BOD1L1: variants seen among roughly 807,000 people sequenced by gnomAD.
BOD1L1 encodes biorientation of chromosomes in cell division 1 like 1, also known as biorientation of chromosomes in cell division protein 1-like 1.
In BOD1L1, 86 loss-of-function variants were observed where a neutral mutation model predicts 240.7. The observed-to-expected ratio is 0.36, with a 90% CI of 0.30 to 0.43. The LOEUF (loss-of-function observed/expected upper bound fraction) is 0.43. Among genes scored for constraint, BOD1L1 ranks in the 20% least tolerant of loss-of-function variants. The pLI is 1.00. For synonymous variants in BOD1L1, 1,268 were observed against 1,272.3 expected, an observed-to-expected ratio of 1.00 and a Z score of 0.07; for missense variants, 3,554 against 3,643.5, an observed-to-expected ratio of 0.98 and a Z score of 0.63.
intron 21 of BOD1L1, among the ~76,000 whole-genome samples, chr4:13,580,244 A>C (rs1713118257): frequency 6.6e-6 from 1 of 152,226 alleles, no homozygotes; most frequent in African/African-American, 2.4e-5. Flanking sequence ...AATGTTTCCC[A>C]AGGCAAACCA....
intron 2 of BOD1L1, 26 bp downstream of exon 2, chr4:13,619,917 C>T (rs777776393): frequency 6.2e-6 from 10 of 1,609,950 alleles, no homozygotes; most frequent in African/African-American, 1.3e-5. Flanking sequence ...TTAAAACCTG[C>T]CCAGAACTCT....
intron 17 of BOD1L1, among the ~76,000 whole-genome samples, chr4:13,584,413 T>C (rs1713489247): frequency 6.7e-6 from 1 of 149,878 alleles, no homozygotes; most frequent in African/African-American, 2.5e-5. Flanking sequence ...CATGTGTGCG[T>C]GTGTGGCGGG....
In BOD1L1 at chr4:13,602,860, C is replaced by A. The variant is rs551371879; in HGVS notation, c.4040G>T (p.Gly1347Val). The change falls in exon 10 of 26, where the codon GGT (glycine) becomes GTT (valine). Residue 1347 changes from glycine to valine, a missense_variant. By Grantham distance (109) the Gly-to-Val change is moderately radical (BLOSUM62 -3). Around this residue, in one of 2 missense-constraint regions of BOD1L1, gnomAD observed 3,393 missense variants for 3,427.1 expected, o/e 0.99. Coordinates refer to ENST00000040738, the MANE Select transcript of BOD1L1 (RefSeq NM_148894.3). ...TGGTGTATCTACTGTGAAACCTTCA[C>A]CACCTTCTTTGCTGTCACTTGTCTT... ...VLKTSDSKEG[G>V]EGFTVDTPAK... is the part of the protein sequence containing the mutation. 27 of 1,614,040 alleles carry A rather than the reference C, an allele frequency of 1.7e-5. No individual in the cohort carries two copies. The South Asian group carries it at 2.9e-4, about 17-fold the overall frequency.
intron 25 of BOD1L1, among the ~76,000 whole-genome samples, chr4:13,573,772 C>T (rs1235074384): frequency 6.6e-6 from 1 of 152,174 alleles, no homozygotes; most frequent in African/African-American, 2.4e-5. Flanking sequence ...GAGCCACCAG[C>T]CTTGGACTCC....
intron 1 of BOD1L1, among the ~76,000 whole-genome samples, chr4:13,626,692 C>G (rs1717419764): frequency 6.6e-6 from 1 of 152,112 alleles, no homozygotes; most frequent in South Asian, 2.1e-4. Context: ...CTTTCCTGTC[C>G]TTTCTCCACT....
chr4:13,607,045 T>C, intron 9 of BOD1L1, 72 bp downstream of exon 9: 1 of 1,028,568 alleles, frequency 9.7e-7, no homozygotes, highest in East Asian at 3.3e-5. Flanking sequence ...ACATTCTAAG[T>C]TTTACTCCAA....
At chr4:13,580,519 A>G (rs1713140965) in intron 21 of BOD1L1, among the ~76,000 whole-genome samples, 1 of 152,186 alleles carries the variant, frequency 6.6e-6, no homozygotes, top group Admixed American at 6.5e-5. Context: ...ATAATAATCC[A>G]TTGAAATGCA....
chr4:13,572,699 T>A, intron 25 of BOD1L1: 1 of 1,289,656 alleles, frequency 7.8e-7, no homozygotes, highest in Non-Finnish European at 1.0e-6. Context: ...AGCAGGGACT[T>A]ACCTTCCTAA....
chr4:13,600,048 C>T lies in BOD1L1; in HGVS notation c.6852G>A (p.Ala2284=), dbSNP rs765833304. 1.9e-5 allele frequency: 31 copies of T among 1,610,914 alleles called. No individual in the cohort carries two copies. The highest frequency in any genetic ancestry group is 6.7e-5 in the Admixed American group (4 of 59,604). ...QEEGDPSVTP[A]EEMGDTAMIS... The stretch of plus-strand genomic sequence containing the variant: ...TCATGGCGGTGTCACCCATCTCTTC[C>T]GCTGGTGTGACTGAGGGGTCGCCTT... The change falls in exon 10 of 26, where the codon GCG becomes GCA. Residue 2284 remains alanine (A), a synonymous_variant. Transcript: ENST00000040738.
Position 13,601,307 on chromosome 4 carries a change from C to T in BOD1L1, c.5593G>A (p.Glu1865Lys), listed in dbSNP as rs762962701. 2.5e-6 allele frequency: 4 copies of T among 1,613,886 alleles called. No individual in the cohort carries two copies. Among genetic ancestry groups the T allele is most frequent in the African/African-American group, 2.7e-5 (2 of 74,910 alleles). ...CTAGTCACAACATCCTCCCCTTCCT[C>T]GTCTTCCTCTTTTGCGCCTGTGCTA... is the stretch of plus-strand genomic sequence containing the variant. ...VTSTGAKEED[E>K]EGEDVVTSTG... Residue 1865 changes from glutamate (E) to lysine (K), a missense_variant, in exon 10 of 26, where the codon GAG (glutamate) becomes AAG (lysine). Transcript: ENST00000040738.
chr4:13,607,361 G>A (rs751708680), intron 8 of BOD1L1, among the ~76,000 whole-genome samples, 172 bp from the exon 9 acceptor site: 3 of 152,046 alleles, frequency 2.0e-5, no homozygotes, highest in African/African-American at 4.8e-5. Flanking sequence ...GTGCAATCAC[G>A]CAATCTTGGC....
chr4:13,592,738 A>C (rs1714313671), intron 12 of BOD1L1: 1 of 152,182 alleles, frequency 6.6e-6, no homozygotes, highest in South Asian at 2.1e-4. Flanking sequence ...GGACTGGCTG[A>C]CACTTCTTAC....
At chr4:13,598,862 C>A in intron 10 of BOD1L1, 84 bp downstream of exon 10, 1 of 1,365,350 alleles carries the variant, frequency 7.3e-7, no homozygotes, top group Non-Finnish European at 9.8e-7. Flanking sequence ...CCAAAACCAT[C>A]TTTTGGAAGA....
At chr4:13,593,441 C>A (rs16888876) in intron 12 of BOD1L1, 2 of 151,526 alleles carry the variant, frequency 1.3e-5, no homozygotes, top group East Asian at 1.9e-4. Flanking sequence ...AATACATGAT[C>A]GAGTGAAAAA....
chr4:13,581,785 C>T (rs1204331439), intron 19 of BOD1L1, among the ~76,000 whole-genome samples: 1 of 152,140 alleles, frequency 6.6e-6, no homozygotes, highest in Non-Finnish European at 1.5e-5. Flanking sequence ...ATGCAGCCTC[C>T]AGGAATCCAT....
chr4:13,608,508 C>A (rs191682672), intron 8 of BOD1L1, 22 bp downstream of exon 8: 3 of 1,499,030 alleles, frequency 2.0e-6, no homozygotes. Flanking sequence ...ATAAGGGAAA[C>A]ATGACCAGAT....
In BOD1L1 at chr4:13,602,817, A is replaced by G. The variant is rs751512420; in HGVS notation, c.4083T>C (p.Thr1361=). 5.6e-6 allele frequency: 9 copies of G among 1,613,870 alleles called. No individual in the cohort carries two copies. The highest frequency in any genetic ancestry group is 1.7e-5 in the Admixed American group (1 of 60,012). The stretch of plus-strand genomic sequence containing the variant: ...GAGCTTCTGGAATGTGTCTTTTGCT[A>G]GTGATGCTTGCTTTTGCTGGTGTAT... ...TVDTPAKASI[T]SKRHIPEAHQ... The change falls in exon 10 of 26, where the codon ACT becomes ACC. Residue 1361 remains threonine, a synonymous_variant. Coordinates refer to ENST00000040738, the MANE Select transcript of BOD1L1 (RefSeq NM_148894.3).
intron 5 of BOD1L1, among the ~76,000 whole-genome samples, chr4:13,612,402 G>C (rs1318835006): frequency 6.6e-6 from 1 of 152,138 alleles, no homozygotes; most frequent in African/African-American, 2.4e-5. Flanking sequence ...ATAAGATATT[G>C]GTAAGAAGCA....
rs950669282 is a variant in BOD1L1 at position 13,627,490 on chromosome 4, C to T, written c.98G>A (p.Gly33Glu). The change falls in exon 1 of 26, where the codon GGG (glycine) becomes GAG (glutamate). Residue 33 changes from glycine (G) to glutamate (E), a missense_variant. Gly to Glu is a moderately conservative substitution (Grantham distance 98). Transcript: ENST00000040738. ...PQPPPPPPGP[G>E]AGPGAGGAGG... ...CGCCCCGCCCGCGCCGGGGCCAGCC[C>T]CGGGGCCCGGCGGCGGCGGCGGTGG... is the stretch of plus-strand genomic sequence containing the variant. The T allele has an allele frequency of 5.0e-6, 5 of 998,602 alleles. No homozygotes were observed. In the African/African-American group the frequency reaches 7.0e-5, roughly 14 times the overall value. The allele number at this position is 998,602 out of a possible 1,614,324, so 61.9% of individuals were successfully genotyped here. A position where few individuals can be genotyped will look rare whatever the true frequency, so the allele number is the denominator to read the frequency against.
Sources: gnomAD v4.1 joint callset for allele counts (sites outside exome capture counted in the v4.1 genomes callset) on GRCh38, gnomAD v4.1.1 for gene constraint, gnomAD v4.1.1 regional missense constraint, MANE v1.5 for transcripts, NCBI Gene and HGNC (gene_info 2026-07-23, HGNC 2026-07-21) for gene names.